ST3GAL2: variants seen among roughly 807,000 people sequenced by gnomAD.
ST3GAL2 encodes the protein CMP-N-acetylneuraminate-beta-galactosamide-alpha-2,3-sialyltransferase 2.
ST3GAL2 carries 16 observed loss-of-function variants against 37.5 expected under a neutral mutation model. That is an observed-to-expected ratio of 0.43 (90% confidence interval 0.29 to 0.65). The LOEUF (loss-of-function observed/expected upper bound fraction) is 0.65. ST3GAL2 is among the 30% of genes least tolerant of loss of function. The pLI is 0.17. For missense variants in ST3GAL2, 383 were observed against 487.8 expected (o/e 0.79, Z 2.02); for synonymous variants, 238 against 202.9 (o/e 1.17, Z -1.47).
At chr16:70,399,924 G>A (rs915160169) in intron 1 of ST3GAL2, 1 of 152,784 alleles carries the variant, frequency 6.5e-6, no homozygotes, top group African/African-American at 2.4e-5. Context: ...GCACTCTCTG[G>A]AGCCTGTCAG....
rs1415366364 is a variant in ST3GAL2, at chr16:70,388,562, G to C, written c.534-16C>G. 6.5e-7 allele frequency: 1 copy of C among 1,548,748 alleles called. No homozygotes were observed. Among genetic ancestry groups the C allele is most frequent in the African/African-American group, 1.4e-5 (1 of 72,592 alleles). On this transcript the variant is annotated splice_polypyrimidine_tract_variant and intron_variant, in intron 3 of 6. Coordinates refer to ENST00000342907, the MANE Select transcript of ST3GAL2 (RefSeq NM_006927.4). ...CTGATTCATCCTGCAGGGACAAGAG[G>C]GTGACATGAGAATCAACTGCCATGG...
At chr16:70,427,356 T>G (rs2047758624) in intron 1 of ST3GAL2, among the ~76,000 whole-genome samples, 2 of 146,198 alleles carry the variant, frequency 1.4e-5, no homozygotes, top group African/African-American at 5.4e-5. Flanking sequence ...TTTTTTTTTT[T>G]GAGACTGAAT....
At chr16:70,403,683 G>A (rs1379365941) in intron 1 of ST3GAL2, among the ~76,000 whole-genome samples, 1 of 152,124 alleles carries the variant, frequency 6.6e-6, no homozygotes, top group African/African-American at 2.4e-5. Context: ...CGTGGTGGTG[G>A]GTGCCTGTAA....
Position 70,377,178 on chromosome 16 carries a change from T to TAAAAAA in ST3GAL2, c.*4505_*4510dup, listed in dbSNP as rs34454921. On this transcript the variant is annotated 3_prime_UTR_variant, in exon 7 of 7. Transcript: ENST00000342907. ...CTGGGCGACAGGAGACCCTGTCTCT[T>TAAAAAA]AAAAAAAAAAAAAAAAAAAAAAAAA... 2.1e-4 allele frequency: 18 copies of TAAAAAA among 85,476 alleles called. No individual in the cohort carries two copies. Among genetic ancestry groups the TAAAAAA allele is most frequent in the African/African-American group, 6.1e-4 (10 of 16,268 alleles). 5.3% of individuals were successfully genotyped at this position (85,476 alleles called of 1,614,324 possible). A position where few individuals can be genotyped will look rare whatever the true frequency, so the allele number is the denominator to read the frequency against.
At position 70,400,470 on chromosome 16, in the gene ST3GAL2, C is replaced by T. The variant is rs916387267; in HGVS notation, c.-1003-937G>A. On this transcript the variant is annotated intron_variant, in intron 1 of 6. Coordinates refer to ENST00000342907, the MANE Select transcript of ST3GAL2 (RefSeq NM_006927.4). ...TGCTGCTGACCTAGCCCCTGGGCCT[C>T]TCAGTGCAGCCCTGTTCCCTGTCCT... 4 of 152,628 alleles carry T rather than the reference C, an allele frequency of 2.6e-5. No homozygotes were observed. The East Asian group carries it at 7.7e-4, about 29-fold the overall frequency. 9.5% of individuals were successfully genotyped at this position (152,628 alleles called of 1,614,324 possible).
At chr16:70,390,810 G>C (rs1337427552) in intron 3 of ST3GAL2, among the ~76,000 whole-genome samples, 3 of 152,144 alleles carry the variant, frequency 2.0e-5, no homozygotes, top group African/African-American at 7.2e-5. Context: ...CCCCTTTTTA[G>C]TATGCATCTT....
intron 1 of ST3GAL2, among the ~76,000 whole-genome samples, chr16:70,425,248 G>C (rs1475343966): frequency 6.6e-6 from 1 of 152,182 alleles, no homozygotes; most frequent in Non-Finnish European, 1.5e-5. Flanking sequence ...GATCACCTGA[G>C]GTCAGGAGTT....
chr16:70,386,977 G>A (rs2151657985), intron 4 of ST3GAL2, among the ~76,000 whole-genome samples: 1 of 152,320 alleles, frequency 6.6e-6, no homozygotes, highest in East Asian at 1.9e-4. Context: ...GTGGGGCCGG[G>A]TGTGGTGGCT....
intron 1 of ST3GAL2, among the ~76,000 whole-genome samples, chr16:70,436,466 A>G (rs1235468370): frequency 6.6e-6 from 1 of 151,792 alleles, no homozygotes; most frequent in Non-Finnish European, 1.5e-5. Context: ...AAGAAAAAAA[A>G]AAAAAAAAAG....
At chr16:70,384,631 G>A (rs2047429392) in intron 4 of ST3GAL2, among the ~76,000 whole-genome samples, 1 of 151,238 alleles carries the variant, frequency 6.6e-6, no homozygotes, top group African/African-American at 2.4e-5. Context: ...CTTGGACCAG[G>A]GAGTCTGAGG....
chr16:70,424,028 A>G (rs922210332), intron 1 of ST3GAL2, among the ~76,000 whole-genome samples: 1 of 151,928 alleles, frequency 6.6e-6, no homozygotes, highest in Non-Finnish European at 1.5e-5. Flanking sequence ...ACTGCACTCC[A>G]GCCTGGGTGA....
intron 2 of ST3GAL2, among the ~76,000 whole-genome samples, chr16:70,395,856 C>A (rs1245612845): frequency 6.6e-6 from 1 of 152,178 alleles, no homozygotes; most frequent in African/African-American, 2.4e-5. Flanking sequence ...CAAAGAGAGG[C>A]AACTTCAGCC....
At chr16:70,402,504 C>T (rs963193953) in intron 1 of ST3GAL2, among the ~76,000 whole-genome samples, 4 of 152,008 alleles carry the variant, frequency 2.6e-5, no homozygotes, top group African/African-American at 4.8e-5. Flanking sequence ...CTATGCCTCT[C>T]TATAAAGATA....
intron 1 of ST3GAL2, among the ~76,000 whole-genome samples, chr16:70,420,936 G>A (rs2047710328): frequency 6.6e-6 from 1 of 152,192 alleles, no homozygotes; most frequent in African/African-American, 2.4e-5. Context: ...GTGTCCTCTG[G>A]ACACTTCCTT....
chr16:70,386,288 C>G (rs905877339), intron 4 of ST3GAL2, among the ~76,000 whole-genome samples: 3 of 151,226 alleles, frequency 2.0e-5, no homozygotes, highest in Non-Finnish European at 4.4e-5. Context: ...CCCGGGTTCA[C>G]GCCATTCTCC....
At chr16:70,395,230 G>C in intron 2 of ST3GAL2, 55 bp from the exon 3 acceptor site, 2 of 1,537,246 alleles carry the variant, frequency 1.3e-6, no homozygotes, top group Non-Finnish European at 1.8e-6. Flanking sequence ...GTGTGAAGAA[G>C]GAGGGGCCCC....
intron 3 of ST3GAL2, among the ~76,000 whole-genome samples, chr16:70,393,110 A>G (rs1338003764): frequency 7.1e-6 from 1 of 140,110 alleles, no homozygotes; most frequent in Non-Finnish European, 1.5e-5. Flanking sequence ...TTTGAGACAG[A>G]GTTTCTCTCT....
chr16:70,425,560 T>C (rs115841371), intron 1 of ST3GAL2, among the ~76,000 whole-genome samples: 2,018 of 152,178 alleles, frequency 0.013, 55 homozygotes, highest in African/African-American at 0.046. Context: ...ATTTGTTAAT[T>C]TACCTTGTTA....
chr16:70,404,746 T>C (rs2047577849), intron 1 of ST3GAL2, among the ~76,000 whole-genome samples: 1 of 152,116 alleles, frequency 6.6e-6, no homozygotes, highest in African/African-American at 2.4e-5. Flanking sequence ...TAAAAACTTG[T>C]ACACATGGCC....
Sources: gnomAD v4.1 joint callset for allele counts (sites outside exome capture counted in the v4.1 genomes callset) on GRCh38, gnomAD v4.1.1 for gene constraint, MANE v1.5 for transcripts, NCBI Gene and HGNC (gene_info 2026-07-23, HGNC 2026-07-21) for gene names.